CEP250: variants seen among roughly 807,000 people sequenced by gnomAD.
CEP250 encodes the protein centrosomal protein 250, also known as centrosome-associated protein CEP250.
In CEP250, 242 loss-of-function variants were observed where a neutral mutation model predicts 315.7. The observed-to-expected ratio is 0.77, with a 90% confidence interval of 0.69 to 0.85. The LOEUF is 0.85. CEP250 is among the 40% of genes least tolerant of loss of function. The pLI is 0.00. For missense variants in CEP250, 2,515 were observed against 2,886.4 expected, an observed-to-expected ratio of 0.87 and a Z score of 2.95; for synonymous variants, 1,088 against 1,175.0, an observed-to-expected ratio of 0.93 and a Z score of 1.51.
chr20:35,500,047 A>G lies in CEP250; in HGVS notation c.3778-2A>G. On this transcript the variant is annotated splice_acceptor_variant, in intron 27 of 34. Transcript: ENST00000397527. LOFTEE classifies it high-confidence loss of function. ...CGTTTAGCCATGCCCTTCCTTTCCC[A>G]GGATGTTCTGAGGGATCAGGTCCAG... 6.2e-7 allele frequency: 1 copy of G among 1,614,064 alleles called. No homozygotes were observed. Among genetic ancestry groups the G allele is most frequent in the Non-Finnish European group, 8.5e-7 (1 of 1,179,946 alleles).
chr20:35,504,892 G>A lies in CEP250; in HGVS notation c.6523G>A (p.Asp2175Asn), dbSNP rs1398259637. The change falls in exon 30 of 35, where the codon GAC becomes AAC. Residue 2175 changes from aspartate (D) to asparagine (N), a missense_variant. Physicochemically the swap from Asp to Asn is conservative, Grantham distance 23 (BLOSUM62 1). Coordinates refer to ENST00000397527, the MANE Select transcript of CEP250 (RefSeq NM_007186.6). ...GATTGAGTGGAGGGAGAAGGCCCAG[G>A]ACTTGGCACTCTCCCTAGCGCAGAC... ...REIEWREKAQDLALSLAQTKA... is the reference protein window; with the variant it reads ...REIEWREKAQNLALSLAQTKA... 1.9e-6 allele frequency: 3 copies of A among 1,614,134 alleles called. No homozygotes were observed. Among genetic ancestry groups the A allele is most frequent in the East Asian group, 2.2e-5 (1 of 44,900 alleles).
At chr20:35,487,598 C>G (rs1028071278) in intron 20 of CEP250, among the ~76,000 whole-genome samples, 1 of 152,072 alleles carries the variant, frequency 6.6e-6, no homozygotes, top group Non-Finnish European at 1.5e-5. Flanking sequence ...AAGCACCATG[C>G]TGAATGCTTT....
At position 35,502,882 on chromosome 20, in the gene CEP250, G is replaced by T. The variant is rs749627637; in HGVS notation, c.4513G>T (p.Val1505Leu). ...AVQEREQKLT[V>L]QREQIRELEK... ...CCAGGAGCGAGAGCAGAAGCTGACT[G>T]TGCAGAGGGAGCAGATCAGAGAGCT... The change falls in exon 30 of 35, where the codon GTG becomes TTG. Residue 1505 changes from valine (V) to leucine (L), a missense_variant. Physicochemically the swap from Val to Leu is conservative, Grantham distance 32. Coordinates refer to ENST00000397527, the MANE Select transcript of CEP250 (RefSeq NM_007186.6). 6.2e-7 allele frequency: 1 copy of T among 1,614,128 alleles called. No individual in the cohort carries two copies. Among genetic ancestry groups the T allele is most frequent in the Non-Finnish European group, 8.5e-7 (1 of 1,180,050 alleles).
intron 20 of CEP250, among the ~76,000 whole-genome samples, chr20:35,486,703 A>C (rs2063523737): frequency 6.6e-6 from 1 of 152,194 alleles, no homozygotes; most frequent in African/African-American, 2.4e-5. Flanking sequence ...GTATCTGGAA[A>C]TGGAAGTTGA....
intron 17 of CEP250, 124 bp downstream of exon 17, chr20:35,478,225 A>G (rs2063229357): frequency 4.3e-6 from 3 of 694,108 alleles, no homozygotes; most frequent in Non-Finnish European, 7.3e-6. Context: ...GACCAGTGTT[A>G]CTAGTTTGCA....
Position 35,494,343 on chromosome 20 carries a change from G to A in CEP250, c.3034-181G>A, listed in dbSNP as rs552651404. Reference sequence around the variant, plus strand: ...AGGCTGGGAGGCAGATGACCAGGCCGAATTGTATTGAGGAAGGGGGTGGTT... The same window carrying A: ...AGGCTGGGAGGCAGATGACCAGGCCAAATTGTATTGAGGAAGGGGGTGGTT... On this transcript the variant is annotated intron_variant, in intron 23 of 34. Coordinates refer to ENST00000397527, the MANE Select transcript of CEP250 (RefSeq NM_007186.6). 19 of 719,292 alleles carry A rather than the reference G, an allele frequency of 2.6e-5. No homozygotes were observed. In the African/African-American group the frequency reaches 2.9e-4, roughly 11 times the overall value. 44.6% of individuals were successfully genotyped at this position (719,292 alleles called of 1,614,324 possible). A position where few individuals can be genotyped will look rare whatever the true frequency, so the allele number is the denominator to read the frequency against.
At position 35,507,680 on chromosome 20, in the gene CEP250, G is replaced by A. The variant is rs2064226473; in HGVS notation, c.6637-58G>A. ...GAACCGCTGTTTGTGTGGAGGATGG[G>A]TTGGTCTGGATATGAGGTTGGCAAG... On this transcript the variant is annotated intron_variant, in intron 30 of 34. Transcript: ENST00000397527. 4.5e-6 allele frequency: 6 copies of A among 1,337,764 alleles called. No individual in the cohort carries two copies. The Admixed American group carries it at 5.9e-5, about 13-fold the overall frequency. The allele number at this position is 1,337,764 out of a possible 1,614,324, so 82.9% of individuals were successfully genotyped here.
chr20:35,500,096 T>TA lies in CEP250; in HGVS notation c.3826dup (p.Thr1276AsnfsTer2). 1 of 1,613,572 alleles carries TA rather than the reference T, an allele frequency of 6.2e-7. No individual in the cohort carries two copies. The highest frequency in any genetic ancestry group is 8.5e-7 in the Non-Finnish European group (1 of 1,179,834). On this transcript the variant is annotated frameshift_variant, in exon 28 of 35. Coordinates refer to ENST00000397527, the MANE Select transcript of CEP250 (RefSeq NM_007186.6). LOFTEE classifies it high-confidence loss of function. Reference sequence around the variant, plus strand: ...AGAAACTGGAAGAGCGTCTAACTGATACTGAGGCTGAGAAGAGCCAGGTCC... The same window carrying TA: ...AGAAACTGGAAGAGCGTCTAACTGATAACTGAGGCTGAGAAGAGCCAGGTCC...
At chr20:35,469,291 T>G (rs979407994) in intron 9 of CEP250, among the ~76,000 whole-genome samples, 2 of 152,056 alleles carry the variant, frequency 1.3e-5, no homozygotes, top group Non-Finnish European at 2.9e-5. Context: ...AGCAAGACCC[T>G]GTCTCAAAAA....
Position 35,511,787 on chromosome 20 carries a change from G to C in CEP250, c.*161G>C. On this transcript the variant is annotated 3_prime_UTR_variant, in exon 35 of 35. Transcript: ENST00000397527. ...AAGAGGAAGTAAATCTGCAACCCTGGGGAGGACCCCAACTCACCTGGGAAT... is the reference window on the plus strand; with the variant it reads ...AAGAGGAAGTAAATCTGCAACCCTGCGGAGGACCCCAACTCACCTGGGAAT... 1.4e-6 allele frequency: 2 copies of C among 1,419,078 alleles called. No homozygotes were observed. Among genetic ancestry groups the C allele is most frequent in the Non-Finnish European group, 1.8e-6 (2 of 1,090,466 alleles). The allele number at this position is 1,419,078 out of a possible 1,614,324, so 87.9% of individuals were successfully genotyped here.
chr20:35,470,097 T>A, intron 10 of CEP250, 111 bp downstream of exon 10: 1 of 724,346 alleles, frequency 1.4e-6, no homozygotes, highest in Non-Finnish European at 2.4e-6. Context: ...TGAAATCCTC[T>A]AAAGCTAAAA....
chr20:35,516,988 G>A lies in CEP250; in HGVS notation c.*5362G>A. 2.0e-6 allele frequency: 2 copies of A among 985,608 alleles called. No homozygotes were observed. Among genetic ancestry groups the A allele is most frequent in the Non-Finnish European group, 2.4e-6 (2 of 830,020 alleles). The allele number at this position is 985,608 out of a possible 1,614,324, so 61.1% of individuals were successfully genotyped here. ...CTACATTCTTGTCCCACAGGGCAGAGCACATGGCAAGTGGCATGCTGACTC... is the reference window on the plus strand; with the variant it reads ...CTACATTCTTGTCCCACAGGGCAGAACACATGGCAAGTGGCATGCTGACTC... On this transcript the variant is annotated 3_prime_UTR_variant, in exon 35 of 35. Coordinates refer to ENST00000397527, the MANE Select transcript of CEP250 (RefSeq NM_007186.6).
At chr20:35,467,985 G>A (rs1178286669) in intron 9 of CEP250, among the ~76,000 whole-genome samples, 1 of 120,496 alleles carries the variant, frequency 8.3e-6, no homozygotes. Flanking sequence ...TCATTCTATC[G>A]CCCAGGCTGG....
chr20:35,509,889 T>C (rs763388336), intron 33 of CEP250, 109 bp from the exon 34 acceptor site: 22 of 986,286 alleles, frequency 2.2e-5, no homozygotes, highest in Non-Finnish European at 3.4e-5. Context: ...TTCTGGCCCA[T>C]AGCCCTTGCC....
At chr20:35,511,317 G>A (rs2064349120) in intron 34 of CEP250, 46 bp from the exon 35 acceptor site, 2 of 1,514,202 alleles carry the variant, frequency 1.3e-6, no homozygotes, top group East Asian at 4.5e-5. Flanking sequence ...GACAACTTCA[G>A]GGCCCTCAGC....
In CEP250 at chr20:35,508,955, C is replaced by T. The variant is rs915467191; in HGVS notation, c.6919C>T (p.Arg2307Trp). ...TGCACCTTGGCAGGTGGAGCGAGAA[C>T]GGAGGAAGCTGAAGAGGGAGGCCAT... The part of the protein sequence containing the change: ...RSTLEQVERE[R>W]RKLKREAMRA... The change falls in exon 33 of 35, where the codon CGG becomes TGG. Residue 2307 changes from arginine (R) to tryptophan (W), a missense_variant. Arg to Trp is a moderately radical substitution (Grantham distance 101). Coordinates refer to ENST00000397527, the MANE Select transcript of CEP250 (RefSeq NM_007186.6). The T allele has an allele frequency of 1.9e-5, 29 of 1,554,064 alleles. No homozygotes were observed. Among genetic ancestry groups the T allele is most frequent in the Non-Finnish European group, 2.4e-5 (27 of 1,148,308 alleles).
At chr20:35,465,675 G>T (rs1296097700) in intron 5 of CEP250, 68 bp from the exon 6 acceptor site, 1 of 1,137,330 alleles carries the variant, frequency 8.8e-7, no homozygotes, top group South Asian at 1.6e-5. Flanking sequence ...ATGGAAGGGA[G>T]CCTTAGGGAA....
In CEP250 at chr20:35,504,028, G is replaced by A. The variant is rs147660483; in HGVS notation, c.5659G>A (p.Glu1887Lys). The part of the protein sequence containing the change: ...VEGRRVQALE[E>K]VLGDLRAESR... Reference sequence around the variant, plus strand: ...GGGACGGCGGGTCCAGGCCCTGGAGGAGGTGCTGGGAGACCTAAGGGCTGA... The same window carrying A: ...GGGACGGCGGGTCCAGGCCCTGGAGAAGGTGCTGGGAGACCTAAGGGCTGA... The change falls in exon 30 of 35, where the codon GAG becomes AAG. Residue 1887 changes from glutamate (E) to lysine (K), a missense_variant. Glu to Lys is a moderately conservative substitution (Grantham distance 56, BLOSUM62 1). Coordinates refer to ENST00000397527, the MANE Select transcript of CEP250 (RefSeq NM_007186.6). 14 of 1,606,816 alleles carry A rather than the reference G, an allele frequency of 8.7e-6. No homozygotes were observed. The highest frequency in any genetic ancestry group is 3.4e-6 in the Non-Finnish European group (4 of 1,176,148).
Position 35,463,613 on chromosome 20 carries a change from G to C in CEP250, c.225G>C (p.Lys75Asn). 6.2e-7 allele frequency: 1 copy of C among 1,609,106 alleles called. No homozygotes were observed. The highest frequency in any genetic ancestry group is 8.5e-7 in the Non-Finnish European group (1 of 1,177,626). The part of the protein sequence containing the change: ...QYRSWCQELE[K>N]RLEATGGPIP... ...GAAGCTGGTGCCAAGAGCTGGAGAAGCGGCTAGAAGCCACTGGAGTGAGTG... is the reference window on the plus strand; with the variant it reads ...GAAGCTGGTGCCAAGAGCTGGAGAACCGGCTAGAAGCCACTGGAGTGAGTG... The change falls in exon 5 of 35, where the codon AAG becomes AAC. Residue 75 changes from lysine (K) to asparagine (N), a missense_variant. By Grantham distance (94) the Lys-to-Asn change is moderately conservative. Coordinates refer to ENST00000397527, the MANE Select transcript of CEP250 (RefSeq NM_007186.6).
Sources: allele counts gnomAD v4.1 joint callset (sites outside exome capture counted in the v4.1 genomes callset), GRCh38; gene constraint gnomAD v4.1.1; transcripts MANE v1.5; gene names NCBI Gene and HGNC (gene_info 2026-07-23, HGNC 2026-07-21).